Variants in JAZF1 observed in about 807,000 individuals in gnomAD.
JAZF1 encodes juxtaposed with another zinc finger protein 1.
JAZF1 carries 8 observed loss-of-function variants against 26.4 expected under a neutral mutation model. The observed-to-expected ratio is 0.30, with a 90% CI of 0.18 to 0.55. The LOEUF is 0.55. Ranked by LOEUF, JAZF1 falls within the 20% of genes least tolerant of loss-of-function variation. JAZF1 has a pLI of 0.94. For missense variants in JAZF1, 199 were observed against 322.0 expected, an observed-to-expected ratio of 0.62 and a Z score of 2.92; for synonymous variants, 126 against 122.3, an observed-to-expected ratio of 1.03 and a Z score of -0.20.
At chr7:27,933,115 T>C (rs192179726) in intron 2 of JAZF1, among the ~76,000 whole-genome samples, 16 of 152,290 alleles carry the variant, frequency 1.1e-4, no homozygotes, top group African/African-American at 3.4e-4. Flanking sequence ...CAGTGATGTA[T>C]AGATGTCCCT....
intron 1 of JAZF1, among the ~76,000 whole-genome samples, chr7:28,019,702 T>C (rs1334929929): frequency 6.6e-6 from 1 of 152,188 alleles, no homozygotes; most frequent in Non-Finnish European, 1.5e-5. Context: ...CAACATGGCA[T>C]CTTCCATGTA....
intron 1 of JAZF1, among the ~76,000 whole-genome samples, chr7:28,011,290 A>G (rs898181460): frequency 6.6e-6 from 1 of 152,216 alleles, no homozygotes; most frequent in Non-Finnish European, 1.5e-5. Flanking sequence ...TTGAAAGTTT[A>G]CATTTCAGAT....
chr7:27,929,660 T>A (rs771538793), intron 2 of JAZF1, among the ~76,000 whole-genome samples: 8 of 152,184 alleles, frequency 5.3e-5, no homozygotes, highest in Non-Finnish European at 1.0e-4. Flanking sequence ...GTGAAATTTC[T>A]CATGGGTAAA....
At chr7:28,125,472 T>C (rs1477325982) in intron 1 of JAZF1, among the ~76,000 whole-genome samples, 3 of 152,190 alleles carry the variant, frequency 2.0e-5, no homozygotes, top group African/African-American at 7.2e-5. Flanking sequence ...ATTAATTGGT[T>C]TCCTAGCAAC....
At chr7:27,927,685 G>T (rs1029870363) in intron 2 of JAZF1, among the ~76,000 whole-genome samples, 1 of 152,018 alleles carries the variant, frequency 6.6e-6, no homozygotes, top group Non-Finnish European at 1.5e-5. Context: ...TCTCACAAGA[G>T]ATGTTTTTTA....
At chr7:28,024,222 G>A (rs1371936168) in intron 1 of JAZF1, among the ~76,000 whole-genome samples, 6 of 152,152 alleles carry the variant, frequency 3.9e-5, no homozygotes, top group African/African-American at 9.7e-5. Flanking sequence ...TTAAGCCCAC[G>A]AGGTTGAGGC....
At chr7:27,918,302 C>T (rs986640182) in intron 2 of JAZF1, among the ~76,000 whole-genome samples, 8 of 152,188 alleles carry the variant, frequency 5.3e-5, no homozygotes, top group African/African-American at 1.9e-4. Flanking sequence ...CCTGATTACC[C>T]TTCAAGCTCT....
At chr7:28,114,782 C>T (rs1268951542) in intron 1 of JAZF1, among the ~76,000 whole-genome samples, 1 of 151,152 alleles carries the variant, frequency 6.6e-6, no homozygotes, top group African/African-American at 2.4e-5. Context: ...CTACTAGATG[C>T]TATAAGAAAA....
Position 27,832,680 on chromosome 7 carries a change from A to G in JAZF1, c.*120T>C, listed in dbSNP as rs775371532. The G allele has an allele frequency of 1.3e-6, 1 of 766,700 alleles. No homozygotes were observed. The highest frequency in any genetic ancestry group is 2.0e-6 in the Non-Finnish European group (1 of 495,914). 47.5% of individuals were successfully genotyped at this position (766,700 alleles called of 1,614,324 possible). ...TTCCAAAATTACAGAAAAAATTTAA[A>G]GCATGCATTTAATTCTTTTTCTTTA... On this transcript the variant is annotated 3_prime_UTR_variant, in exon 5 of 5. Transcript: ENST00000283928.
intron 1 of JAZF1, chr7:28,020,798 TTA>T: frequency 2.4e-6 from 1 of 419,092 alleles, no homozygotes; most frequent in Non-Finnish European, 4.9e-6. Context: ...CAAGGCTTCT[TTA>T]GGAGAATTAC....
intron 2 of JAZF1, among the ~76,000 whole-genome samples, chr7:27,912,544 G>T (rs1392876778): frequency 2.0e-5 from 3 of 152,114 alleles, no homozygotes; most frequent in Non-Finnish European, 4.4e-5. Context: ...CCCTATAAAT[G>T]GAGGTGGGTG....
chr7:27,888,022 G>T (rs79348286), intron 3 of JAZF1, among the ~76,000 whole-genome samples: 2,028 of 152,278 alleles, frequency 0.013, 34 homozygotes, highest in Non-Finnish European at 0.021. Flanking sequence ...TAAACTGTAG[G>T]CCAGGAAAGG....
chr7:27,863,954 T>C (rs1333753986), intron 3 of JAZF1: 3 of 152,246 alleles, frequency 2.0e-5, no homozygotes, highest in Non-Finnish European at 2.9e-5. Flanking sequence ...GGAATGCTTG[T>C]GGGCAGTGGC....
intron 1 of JAZF1, among the ~76,000 whole-genome samples, chr7:28,049,377 C>T (rs1783554713): frequency 6.6e-6 from 1 of 152,058 alleles, no homozygotes; most frequent in Non-Finnish European, 1.5e-5. Context: ...AGCCACCGCG[C>T]CCGGCCGGAA....
At chr7:28,103,199 C>CT (rs1784500999) in intron 1 of JAZF1, among the ~76,000 whole-genome samples, 1 of 152,098 alleles carries the variant, frequency 6.6e-6, no homozygotes. Flanking sequence ...CTCATCCAGT[C>CT]TATTGTTTTA....
rs986450536 is a variant in JAZF1 at position 27,831,717 on chromosome 7, A to C, written c.*1083T>G. 8.9e-6 allele frequency: 2 copies of C among 225,690 alleles called. No homozygotes were observed. The highest frequency in any genetic ancestry group is 4.4e-5 in the African/African-American group (2 of 44,966). 14.0% of individuals were successfully genotyped at this position (225,690 alleles called of 1,614,324 possible). ...AAGTACCTTTTAAAAAAAGTAAAAA[A>C]TGAGCATGAAGAAGAGGCAATAGGG... On this transcript the variant is annotated 3_prime_UTR_variant, in exon 5 of 5. Transcript: ENST00000283928.
intron 1 of JAZF1, among the ~76,000 whole-genome samples, chr7:27,994,967 G>C (rs1292764764): frequency 1.3e-5 from 2 of 152,144 alleles, no homozygotes; most frequent in Non-Finnish European, 2.9e-5. Context: ...TTCAGAGCAG[G>C]ACAGATCCCC....
chr7:28,179,504 A>G (rs1030601648), intron 1 of JAZF1, among the ~76,000 whole-genome samples: 5 of 151,822 alleles, frequency 3.3e-5, no homozygotes, highest in African/African-American at 1.2e-4. Context: ...CGGGCCTAGC[A>G]CCATTAGAAA....
intron 2 of JAZF1, among the ~76,000 whole-genome samples, chr7:27,984,546 A>G (rs1445252191): frequency 6.6e-6 from 1 of 152,194 alleles, no homozygotes; most frequent in Non-Finnish European, 1.5e-5. Context: ...CAGATCAACT[A>G]TACAGAAAGT....
Sources: allele counts gnomAD v4.1 joint callset (sites outside exome capture counted in the v4.1 genomes callset), GRCh38; gene constraint gnomAD v4.1.1; transcripts MANE v1.5; gene names NCBI Gene and HGNC (gene_info 2026-07-23, HGNC 2026-07-21).